Variants in LRP1-AS observed in about 807,000 individuals in gnomAD.
The protein encoded by LRP1-AS is LRP1 antisense RNA.
chr12:57,145,672 C>T (rs1383927567), intron 1 of LRP1-AS, among the ~76,000 whole-genome samples: 1 of 152,164 alleles, frequency 6.6e-6, no homozygotes, highest in Non-Finnish European at 1.5e-5. Flanking sequence ...ACGCTCCCTC[C>T]CAGCTCTCTG....
intron 1 of LRP1-AS, chr12:57,145,374 T>C: frequency 1.2e-6 from 2 of 1,614,140 alleles, no homozygotes; most frequent in South Asian, 2.2e-5. Context: ...AACGAGACCG[T>C]ATGCTGGGTG....
At chr12:57,146,989 G>A (rs2035422628) in intron 1 of LRP1-AS, among the ~76,000 whole-genome samples, 1 of 151,962 alleles carries the variant, frequency 6.6e-6, no homozygotes, top group African/African-American at 2.4e-5. Context: ...GCTATGGGGT[G>A]TCCTGGAGGT....
chr12:57,144,900 T>C, exon 2 of LRP1-AS: 1 of 1,456,752 alleles, frequency 6.9e-7, no homozygotes, highest in South Asian at 1.1e-5. Flanking sequence ...ATGTTGATCA[T>C]GTCTGATGAT....
chr12:57,144,817 T>G, exon 2 of LRP1-AS: 1 of 714,770 alleles, frequency 1.4e-6, no homozygotes, highest in African/African-American at 1.7e-5. Context: ...ACTTGCTGGG[T>G]GTTAAGGTTT....
At chr12:57,146,357 C>T (rs1175605184) in intron 1 of LRP1-AS, 1 of 152,200 alleles carries the variant, frequency 6.6e-6, no homozygotes, top group African/African-American at 2.4e-5. Context: ...ACCAGAATTC[C>T]CATCTCTGCC....
At position 57,146,254 on chromosome 12, in the gene LRP1-AS, A is replaced by G. The variant is rs201291448; in HGVS notation, n.182-1171T>C. 2.6e-5 allele frequency among the ~76,000 whole-genome samples: 4 copies of G among 152,158 alleles called. No individual in the cohort carries two copies. In the East Asian group the frequency reaches 5.8e-4, roughly 22 times the overall value. On this transcript the variant is annotated intron_variant and non_coding_transcript_variant, in intron 1 of 1. Coordinates refer to ENST00000555461, the Ensembl canonical transcript of LRP1-AS. Reference sequence around the variant, plus strand: ...AACATCTGGCAGCATCACATTTCCAAAGAAATGCACCACAGGGCTGAGAGG... The same window carrying G: ...AACATCTGGCAGCATCACATTTCCAGAGAAATGCACCACAGGGCTGAGAGG...
At chr12:57,145,869 T>C (rs1468801712) in intron 1 of LRP1-AS, among the ~76,000 whole-genome samples, 1 of 152,098 alleles carries the variant, frequency 6.6e-6, no homozygotes, top group African/African-American at 2.4e-5. Flanking sequence ...GGTGCCCTGT[T>C]AGGCTGCAGC....
intron 1 of LRP1-AS, among the ~76,000 whole-genome samples, chr12:57,146,118 G>A (rs2035400767): frequency 6.6e-6 from 1 of 152,164 alleles, no homozygotes; most frequent in Admixed American, 6.5e-5. Context: ...TATCCTAGTT[G>A]TGGAAGAAGG....
intron 1 of LRP1-AS, chr12:57,145,438 C>A (rs1426485669): frequency 1.2e-6 from 2 of 1,614,098 alleles, no homozygotes; most frequent in Non-Finnish European, 1.7e-6. Context: ...GCATGCCTGG[C>A]CTAAAGGGCT....
At chr12:57,146,128 G>A (rs2035401054) in intron 1 of LRP1-AS, among the ~76,000 whole-genome samples, 1 of 152,152 alleles carries the variant, frequency 6.6e-6, no homozygotes, top group Admixed American at 6.5e-5. Flanking sequence ...GTGGAAGAAG[G>A]GGTGTCACAG....
At chr12:57,146,123 A>G (rs1176848413) in intron 1 of LRP1-AS, among the ~76,000 whole-genome samples, 1 of 152,136 alleles carries the variant, frequency 6.6e-6, no homozygotes, top group Non-Finnish European at 1.5e-5. Flanking sequence ...TAGTTGTGGA[A>G]GAAGGGGTGT....
At position 57,144,995 on chromosome 12, in the gene LRP1-AS, G is replaced by A. The variant is rs774096342; in HGVS notation, n.270C>T. 9 of 1,613,914 alleles carry A rather than the reference G, an allele frequency of 5.6e-6. No homozygotes were observed. The East Asian group carries it at 8.9e-5, about 16-fold the overall frequency. ...AGATTTTGATGAGTGCTCAGTGTAC[G>A]GCACCTGCAGCCAGCTATGCACCAA... On this transcript the variant is annotated non_coding_transcript_exon_variant, in exon 2 of 2. Coordinates refer to ENST00000555461, the Ensembl canonical transcript of LRP1-AS.
intron 1 of LRP1-AS, among the ~76,000 whole-genome samples, chr12:57,145,756 C>G (rs899600551): frequency 5.9e-5 from 9 of 152,182 alleles, no homozygotes; most frequent in African/African-American, 2.2e-4. Flanking sequence ...CTCCAGAGAC[C>G]AGGGACTGTC....
chr12:57,145,346 A>C (rs779587545), intron 1 of LRP1-AS: 1 of 1,614,146 alleles, frequency 6.2e-7, no homozygotes, highest in South Asian at 1.1e-5. Context: ...GACCACAGCC[A>C]TGGACTTCAG....
exon 2 of LRP1-AS, chr12:57,144,791 T>C (rs985736146): frequency 1.6e-6 from 1 of 632,668 alleles, no homozygotes; most frequent in Non-Finnish European, 2.8e-6. Context: ...TTCTCTAGAG[T>C]GGATTCCAAG....
intron 1 of LRP1-AS, chr12:57,145,549 G>T: frequency 6.3e-7 from 1 of 1,583,626 alleles, no homozygotes. Flanking sequence ...AGGGAAGGTG[G>T]ACCCTATCTT....
intron 1 of LRP1-AS, among the ~76,000 whole-genome samples, chr12:57,145,814 G>A (rs760373302): frequency 4.6e-5 from 7 of 152,150 alleles, no homozygotes; most frequent in Non-Finnish European, 7.3e-5. Flanking sequence ...GGACTTTCCG[G>A]TGCAGTGGGA....
At chr12:57,145,261 C>T (rs771625714) in intron 1 of LRP1-AS, 19 of 1,614,056 alleles carry the variant, frequency 1.2e-5, no homozygotes, top group Non-Finnish European at 1.6e-5. Flanking sequence ...TGTTGATAGC[C>T]AACTCCCAGA....
rs115142203 is a variant in LRP1-AS at position 57,147,010 on chromosome 12, A to G, written n.181+429T>C. 3.4e-3 allele frequency among the ~76,000 whole-genome samples: 519 copies of G among 151,874 alleles called. 4 individuals are homozygous for G. The highest frequency in any genetic ancestry group is 0.012 in the African/African-American group (487 of 41,418). ...GGGTGTCCTGGAGGTAACCTTCTCA[A>G]CTTCTACTCTGGCCTCATCTCCTTA... On this transcript the variant is annotated intron_variant and non_coding_transcript_variant, in intron 1 of 1. Transcript: ENST00000555461.
Sources: allele counts gnomAD v4.1 joint callset (sites outside exome capture counted in the v4.1 genomes callset), GRCh38; gene constraint gnomAD v4.1.1; transcripts MANE v1.5; gene names NCBI Gene and HGNC (gene_info 2026-07-23, HGNC 2026-07-21).